The following NT5C2 variants were observed in gnomAD, a reference collection of about 807,000 sequenced individuals.
The protein encoded by NT5C2 is cytosolic purine 5'-nucleotidase.
A neutral mutation model predicts 76.1 loss-of-function variants in NT5C2; 58 were observed. The ratio of observed to expected loss-of-function variants is 0.76; its 90% CI spans 0.62 to 0.95. NT5C2 has a LOEUF of 0.95. Among genes scored for constraint, NT5C2 ranks in the 40% least tolerant of loss-of-function variants. The probability of loss-of-function intolerance (pLI) is 0.00; values close to 1 mark genes in which losing one functional copy is unlikely to be tolerated. For missense variants in NT5C2, 478 were observed against 690.3 expected, an observed-to-expected ratio of 0.69 and a Z score of 3.45; for synonymous variants, 229 against 237.4, an observed-to-expected ratio of 0.96 and a Z score of 0.32.
chr10:103,150,767 G>C (rs2082262352), intron 3 of NT5C2, among the ~76,000 whole-genome samples: 1 of 152,094 alleles, frequency 6.6e-6, no homozygotes, highest in Admixed American at 6.5e-5. Flanking sequence ...ATTTTGTGAA[G>C]CATCAATTCA....
At chr10:103,105,129 G>A (rs2070881288) in intron 6 of NT5C2, among the ~76,000 whole-genome samples, 1 of 152,080 alleles carries the variant, frequency 6.6e-6, no homozygotes, top group Admixed American at 6.5e-5. Flanking sequence ...AGTGACAATA[G>A]TGGAAATATT....
At chr10:103,168,001 A>G (rs2086843021) in intron 3 of NT5C2, among the ~76,000 whole-genome samples, 1 of 151,734 alleles carries the variant, frequency 6.6e-6, no homozygotes, top group Non-Finnish European at 1.5e-5. Flanking sequence ...ATTCCTTTTC[A>G]CTCCTTAAAC....
intron 3 of NT5C2, among the ~76,000 whole-genome samples, chr10:103,160,371 G>A (rs1249643000): frequency 3.3e-5 from 5 of 151,880 alleles, no homozygotes; most frequent in Admixed American, 2.6e-4. Context: ...AAGCATACTC[G>A]AAAAAAGAAA....
chr10:103,110,075 G>A lies in NT5C2; in HGVS notation c.176-3369C>T, dbSNP rs991709196. 3.9e-5 allele frequency among the ~76,000 whole-genome samples: 6 copies of A among 152,122 alleles called. No homozygotes were observed. The South Asian group carries it at 8.3e-4, about 21-fold the overall frequency. On this transcript the variant is annotated intron_variant, in intron 4 of 18. Transcript: ENST00000404739. ...TGATATATCTTCCCCATTTGCTGAC[G>A]TGAAGTTATATAGCAAGTACAAACA...
intron 4 of NT5C2, among the ~76,000 whole-genome samples, chr10:103,114,629 A>G (rs926449022): frequency 6.6e-6 from 1 of 152,190 alleles, no homozygotes; most frequent in Non-Finnish European, 1.5e-5. Context: ...TAAGGAAATA[A>G]ATAGAATTTA....
At chr10:103,155,035 T>G (rs1381166331) in intron 3 of NT5C2, among the ~76,000 whole-genome samples, 5 of 152,224 alleles carry the variant, frequency 3.3e-5, no homozygotes, top group Admixed American at 3.3e-4. Context: ...AAGCTTCCTG[T>G]GCAAAAGGTA....
At chr10:103,111,892 G>A in intron 4 of NT5C2, 1 of 839,714 alleles carries the variant, frequency 1.2e-6, no homozygotes. Context: ...GGAACAGAGA[G>A]ATACCATTTG....
At chr10:103,172,264 T>G (rs1475510081) in intron 3 of NT5C2, among the ~76,000 whole-genome samples, 1 of 151,192 alleles carries the variant, frequency 6.6e-6, no homozygotes. Context: ...TTTTTTTTTT[T>G]GAGACGGAGT....
intron 4 of NT5C2, among the ~76,000 whole-genome samples, chr10:103,107,491 A>G (rs2071612136): frequency 6.6e-6 from 1 of 151,962 alleles, no homozygotes; most frequent in Admixed American, 6.5e-5. Flanking sequence ...CCTGACCAAC[A>G]TGGTGAAACC....
At position 103,090,045 on chromosome 10, in the gene NT5C2, A is replaced by G. The variant is rs987934551; in HGVS notation, c.1450-137T>C. On this transcript the variant is annotated intron_variant, in intron 18 of 18. Coordinates refer to ENST00000404739, the MANE Select transcript of NT5C2 (RefSeq NM_001351169.2). ...CCACAGGACAAGTCAATATAGACTT[A>G]TCTTCATAGAACTACTTATAGTTGC... 3.5e-5 allele frequency: 21 copies of G among 593,074 alleles called. No homozygotes were observed. The South Asian group carries it at 5.9e-4, about 17-fold the overall frequency. The allele number at this position is 593,074 out of a possible 1,614,324, so 36.7% of individuals were successfully genotyped here.
chr10:103,132,231 ACTT>A (rs1004451233), intron 4 of NT5C2, among the ~76,000 whole-genome samples: 19 of 151,464 alleles, frequency 1.3e-4, no homozygotes, highest in Non-Finnish European at 4.4e-5. Context: ...CAAGAGCAAA[ACTT>A]CATCTCGAAA....
rs1554841794 is a variant in NT5C2 at position 103,183,291 on chromosome 10, A to ATATATATATAATATATATATATATC, written c.-168-1964_-168-1963insGATATATATATATATTATATATATA. ...TATATATATATATATATATATATAT[A>ATATATATATAATATATATATATATC]TATCACACACTCCTTCCCTCCCCTC... is the stretch of plus-strand genomic sequence containing the variant. On this transcript the variant is annotated intron_variant, in intron 1 of 18. Coordinates refer to ENST00000404739, the MANE Select transcript of NT5C2 (RefSeq NM_001351169.2). Among the ~76,000 whole-genome samples, 11 of 128,132 alleles carry ATATATATATAATATATATATATATC rather than the reference A, an allele frequency of 8.6e-5. 1 individual carries two copies. In the East Asian group the frequency reaches 2.6e-3, roughly 31 times the overall value. The allele number at this position is 128,132 out of a possible 152,430, so 84.1% of individuals were successfully genotyped here. A position where few individuals can be genotyped will look rare whatever the true frequency, so the allele number is the denominator to read the frequency against.
chr10:103,184,835 A>ATTGT (rs1332235488), intron 1 of NT5C2, among the ~76,000 whole-genome samples: 1 of 152,240 alleles, frequency 6.6e-6, no homozygotes, highest in Admixed American at 6.5e-5. Flanking sequence ...CGAAGGAAAA[A>ATTGT]TAACAAAGTT....
intron 3 of NT5C2, among the ~76,000 whole-genome samples, chr10:103,145,712 G>A (rs185748797): frequency 1.3e-5 from 2 of 152,270 alleles, no homozygotes; most frequent in East Asian, 3.9e-4. Flanking sequence ...GTCTTTGTAA[G>A]TTGCAGATTT....
intron 1 of NT5C2, among the ~76,000 whole-genome samples, chr10:103,191,443 T>A (rs2092637675): frequency 6.6e-6 from 1 of 151,570 alleles, no homozygotes; most frequent in Non-Finnish European, 1.5e-5. Context: ...GTGTTTTATG[T>A]ACTCCTCTTT....
At chr10:103,123,465 A>G (rs1425336108) in intron 4 of NT5C2, among the ~76,000 whole-genome samples, 1 of 152,148 alleles carries the variant, frequency 6.6e-6, no homozygotes, top group Non-Finnish European at 1.5e-5. Flanking sequence ...TCAAGGGCTC[A>G]CAGCCTCCCA....
chr10:103,112,985 A>C (rs1314100801), intron 4 of NT5C2, among the ~76,000 whole-genome samples: 2 of 152,150 alleles, frequency 1.3e-5, no homozygotes, highest in Non-Finnish European at 2.9e-5. Flanking sequence ...TCCTCCTAAC[A>C]CATTAAATAG....
At chr10:103,176,110 A>G (rs1480175330) in intron 2 of NT5C2, 1 of 164,032 alleles carries the variant, frequency 6.1e-6, no homozygotes, top group Non-Finnish European at 1.3e-5. Flanking sequence ...AGGTGGGGGC[A>G]GCAAAAACCG....
chr10:103,097,123 A>T (rs2068400633), intron 11 of NT5C2, among the ~76,000 whole-genome samples, 168 bp downstream of exon 11: 1 of 152,214 alleles, frequency 6.6e-6, no homozygotes, highest in Non-Finnish European at 1.5e-5. Flanking sequence ...TTCTAGAAAA[A>T]TTTGAGAACC....
Sources: gnomAD v4.1 joint callset for allele counts (sites outside exome capture counted in the v4.1 genomes callset) on GRCh38, gnomAD v4.1.1 for gene constraint, MANE v1.5 for transcripts, NCBI Gene and HGNC (gene_info 2026-07-23, HGNC 2026-07-21) for gene names.